Variants in TEX29 observed in about 807,000 individuals in gnomAD.
TEX29 encodes the protein testis expressed 29.
A neutral mutation model predicts 18.2 loss-of-function variants in TEX29; 26 were observed. That is an observed-to-expected ratio of 1.43 (90% CI 1.04 to 1.98). The LOEUF (loss-of-function observed/expected upper bound fraction) is 1.98. TEX29 is among the 30% of genes most tolerant of loss of function. The pLI is 0.00. For synonymous variants in TEX29, 83 were observed against 78.5 expected (o/e 1.06, Z -0.31); for missense variants, 177 against 194.2 (o/e 0.91, Z 0.53).
Position 111,342,803 on chromosome 13 carries a change from C to G in TEX29, c.287C>G (p.Ala96Gly), listed in dbSNP as rs538284055. The change falls in exon 5 of 6, where the codon GCG (alanine) becomes GGG (glycine). Residue 96 changes from alanine (A) to glycine (G), a missense_variant. By Grantham distance (60) the Ala-to-Gly change is moderately conservative. Coordinates refer to ENST00000283547, the MANE Select transcript of TEX29 (RefSeq NM_152324.3). ...RKEKAIPVDV[A>G]LPQKSSEKAE... ...GAAAAGGCCATCCCTGTGGATGTCG[C>G]GCTGCCACAGAAGTCCAGCGAAAAG... 15 of 1,613,956 alleles carry G rather than the reference C, an allele frequency of 9.3e-6. No homozygotes were observed. The highest frequency in any genetic ancestry group is 1.3e-5 in the Non-Finnish European group (15 of 1,180,032).
chr13:111,335,890 T>C (rs2093688992), intron 3 of TEX29, among the ~76,000 whole-genome samples: 1 of 152,176 alleles, frequency 6.6e-6, no homozygotes, highest in African/African-American at 2.4e-5. Context: ...TTTTGCCACC[T>C]CTCCCATCCC....
Position 111,328,245 on chromosome 13 carries a change from C to A in TEX29, c.121C>A (p.Leu41Ile), listed in dbSNP as rs778221591. 1.2e-6 allele frequency: 2 copies of A among 1,613,950 alleles called. No individual in the cohort carries two copies. Among genetic ancestry groups the A allele is most frequent in the Non-Finnish European group, 1.7e-6 (2 of 1,180,024 alleles). The change falls in exon 3 of 6, where the codon CTC (leucine) becomes ATC (isoleucine). Residue 41 changes from leucine to isoleucine, a missense_variant. Physicochemically the swap from Leu to Ile is conservative, Grantham distance 5. Coordinates refer to ENST00000283547, the MANE Select transcript of TEX29 (RefSeq NM_152324.3). ...YNVSRDRCQELGCCFYEGVCY... is the reference protein window; with the variant it reads ...YNVSRDRCQEIGCCFYEGVCY... ...CGTCTCCAGGGACCGATGCCAGGAG[C>A]TCGGGTGCTGCTTCTACGAAGGCGT... is the stretch of plus-strand genomic sequence containing the variant.
At chr13:111,319,775 G>C (rs553251029), upstream of TEX29, among the ~76,000 whole-genome samples, 1 of 152,084 alleles carries the variant, frequency 6.6e-6, no homozygotes, top group Admixed American at 6.5e-5. Context: ...TTACAGGTGC[G>C]CACCATTATG....
intron 3 of TEX29, among the ~76,000 whole-genome samples, chr13:111,330,552 G>A (rs1427365944): frequency 2.6e-5 from 4 of 152,124 alleles, no homozygotes; most frequent in Non-Finnish European, 4.4e-5. Flanking sequence ...AGATAAAATC[G>A]GTTGGAAATT....
chr13:111,335,887 A>G (rs1421943528), intron 3 of TEX29, among the ~76,000 whole-genome samples: 2 of 152,064 alleles, frequency 1.3e-5, no homozygotes, highest in African/African-American at 4.8e-5. Context: ...TGCTTTTGCC[A>G]CCTCTCCCAT....
intron 2 of TEX29, among the ~76,000 whole-genome samples, chr13:111,322,713 G>A (rs1032559876): frequency 6.6e-6 from 1 of 152,226 alleles, no homozygotes; most frequent in Non-Finnish European, 1.5e-5. Context: ...GCCTGTCCTC[G>A]TGAACTGAAG....
chr13:111,322,056 T>A (rs2093665543), intron 2 of TEX29, among the ~76,000 whole-genome samples: 1 of 136,166 alleles, frequency 7.3e-6, no homozygotes, highest in South Asian at 2.2e-4. Flanking sequence ...ACTGAGCACC[T>A]GCCCACAGCA....
intron 2 of TEX29, among the ~76,000 whole-genome samples, chr13:111,325,555 C>T (rs2093671471): frequency 6.6e-6 from 1 of 152,196 alleles, no homozygotes; most frequent in African/African-American, 2.4e-5. Context: ...CAGCTTACTC[C>T]AACCTCAAAG....
At chr13:111,316,779 A>G (rs1165304859), upstream of TEX29, among the ~76,000 whole-genome samples, 1 of 152,222 alleles carries the variant, frequency 6.6e-6, no homozygotes, top group Non-Finnish European at 1.5e-5. Context: ...TCACACTGCT[A>G]TAAAGATACT....
intron 2 of TEX29, among the ~76,000 whole-genome samples, chr13:111,324,406 C>T (rs1355769599): frequency 2.0e-5 from 3 of 152,202 alleles, no homozygotes; most frequent in Non-Finnish European, 2.9e-5. Context: ...GAAGCCTCCA[C>T]GGTGCTGTGA....
chr13:111,323,634 G>T (rs916487074), intron 2 of TEX29, among the ~76,000 whole-genome samples: 1 of 152,080 alleles, frequency 6.6e-6, no homozygotes, highest in South Asian at 2.1e-4. Flanking sequence ...CCGAATCCCC[G>T]GGATCTGTGG....
intron 3 of TEX29, among the ~76,000 whole-genome samples, chr13:111,333,988 G>T (rs2093686217): frequency 6.6e-6 from 1 of 152,146 alleles, no homozygotes; most frequent in South Asian, 2.1e-4. Flanking sequence ...CTTTTATTTA[G>T]TTCCTTAGAC....
rs1250372557 is a variant in TEX29, at chr13:111,328,197, C to G, written c.73C>G (p.Leu25Val). The change falls in exon 3 of 6, where the codon CTG (leucine) becomes GTG (valine). Residue 25 changes from leucine (L) to valine (V), a missense_variant. Physicochemically the swap from Leu to Val is conservative, Grantham distance 32 (BLOSUM62 1). Transcript: ENST00000283547. ...LKQFTVCDVP[L>V]YDICDYNVSR... ...TGCTTTTGCAGTGTGTGACGTTCCT[C>G]TGTATGACATTTGTGACTACAACGT... The G allele has an allele frequency of 8.7e-6, 14 of 1,613,086 alleles. No homozygotes were observed. Among genetic ancestry groups the G allele is most frequent in the Non-Finnish European group, 1.1e-5 (13 of 1,179,226 alleles).
At chr13:111,316,578 G>T (rs541448072), upstream of TEX29, among the ~76,000 whole-genome samples, 2 of 152,218 alleles carry the variant, frequency 1.3e-5, no homozygotes, top group Admixed American at 6.5e-5. Flanking sequence ...GGAGTGTAAC[G>T]CTGGGCCCGG....
At chr13:111,316,589 G>T (rs1342824943), upstream of TEX29, among the ~76,000 whole-genome samples, 3 of 152,252 alleles carry the variant, frequency 2.0e-5, no homozygotes, top group African/African-American at 7.2e-5. Context: ...CTGGGCCCGG[G>T]TGTCAAAAAG....
chr13:111,320,979 GGGGT>G, intron 2 of TEX29, 31 bp downstream of exon 2: 1 of 1,315,036 alleles, frequency 7.6e-7, no homozygotes, highest in Non-Finnish European at 1.1e-6. Flanking sequence ...GGGGGCGGGT[GGGGT>G]GGGGGAGCAG....
At chr13:111,334,614 C>G (rs2153641833) in intron 3 of TEX29, among the ~76,000 whole-genome samples, 1 of 152,356 alleles carries the variant, frequency 6.6e-6, no homozygotes, top group African/African-American at 2.4e-5. Flanking sequence ...TCAGAGCTCT[C>G]TATGCACATC....
At chr13:111,339,960 G>T (rs762248076) in intron 4 of TEX29, 28 bp downstream of exon 4, 2 of 1,588,164 alleles carry the variant, frequency 1.3e-6, no homozygotes, top group Non-Finnish European at 1.7e-6. Flanking sequence ...TTACTGGGAG[G>T]GTGGGGAGGA....
intron 2 of TEX29, among the ~76,000 whole-genome samples, chr13:111,324,501 C>G (rs542882747): frequency 6.6e-6 from 1 of 152,194 alleles, no homozygotes; most frequent in Non-Finnish European, 1.5e-5. Flanking sequence ...CATCGGGAAA[C>G]GAGGTGGCAG....
Sources: gnomAD v4.1 joint callset for allele counts (sites outside exome capture counted in the v4.1 genomes callset) on GRCh38, gnomAD v4.1.1 for gene constraint, MANE v1.5 for transcripts, NCBI Gene and HGNC (gene_info 2026-07-23, HGNC 2026-07-21) for gene names.